BDH2: variants seen among roughly 807,000 people sequenced by gnomAD.
The protein encoded by BDH2 is dehydrogenase/reductase SDR family member 6.
Under a neutral mutation model 33.2 loss-of-function variants are expected in BDH2, and 24 were observed. The observed-to-expected ratio is 0.72, with a 90% CI of 0.52 to 1.02. The LOEUF (loss-of-function observed/expected upper bound fraction) is 1.02, where lower values mean the gene tolerates loss of function less well. Among genes scored for constraint, BDH2 ranks in the 50% least tolerant of loss-of-function variants. The pLI, the probability that BDH2 is intolerant of heterozygous loss-of-function variation, is 0.00. For missense variants in BDH2, 249 were observed against 301.6 expected, an observed-to-expected ratio of 0.83 and a Z score of 1.29; for synonymous variants, 81 against 101.6, an observed-to-expected ratio of 0.80 and a Z score of 1.22.
At chr4:103,086,314 G>A in intron 6 of BDH2, 166 bp downstream of exon 6, 1 of 1,328,592 alleles carries the variant, frequency 7.5e-7, no homozygotes, top group Admixed American at 3.4e-5. Context: ...CACATCGAGA[G>A]CAAAAGATCT....
intron 9 of BDH2, among the ~76,000 whole-genome samples, chr4:103,080,444 A>G: frequency 6.6e-6 from 1 of 152,376 alleles, no homozygotes; most frequent in East Asian, 1.9e-4. Flanking sequence ...AAGTTTAAAA[A>G]TCTTTTAACT....
chr4:103,099,568 A>G (rs563363066), intron 1 of BDH2, among the ~76,000 whole-genome samples: 1 of 152,326 alleles, frequency 6.6e-6, no homozygotes, highest in African/African-American at 2.4e-5. Flanking sequence ...AAAACTCTTC[A>G]CTTAGGATAC....
intron 6 of BDH2, chr4:103,085,681 T>C (rs1578501929): frequency 6.8e-7 from 1 of 1,478,000 alleles, no homozygotes; most frequent in South Asian, 1.2e-5. Context: ...TGAGACTTAA[T>C]TGAAATGCTG....
At chr4:103,087,463 G>A (rs1249177309) in intron 5 of BDH2, among the ~76,000 whole-genome samples, 2 of 152,298 alleles carry the variant, frequency 1.3e-5, no homozygotes, top group East Asian at 3.9e-4. Flanking sequence ...ATGGGTAGCT[G>A]AGGAGGAGAG....
chr4:103,092,313 T>G (rs1372122276), intron 4 of BDH2: 2 of 331,094 alleles, frequency 6.0e-6, no homozygotes, highest in Non-Finnish European at 1.1e-5. Flanking sequence ...TGATCAGAAA[T>G]TATTGCTTTA....
chr4:103,081,911 C>T (rs772309702), intron 9 of BDH2, among the ~76,000 whole-genome samples, 170 bp downstream of exon 9: 28 of 152,138 alleles, frequency 1.8e-4, no homozygotes, highest in East Asian at 5.8e-4. Flanking sequence ...TGGCTCAGAT[C>T]GAAGTGGTCT....
rs779956807 is a variant in BDH2, at chr4:103,085,422, G to A, written c.459C>T (p.Ala153=). Residue 153 remains alanine, a synonymous_variant, in exon 7 of 10, where the codon GCC becomes GCT. Transcript: ENST00000296424. The part of the protein sequence containing the change: ...NRCVYSTTKA[A]VIGLTKSVAA... Reference sequence around the variant, plus strand: ...CCACAGATTTTGTGAGGCCAATCACGGCTGCCTTGGTTGTGCTGTACACAC... The same window carrying A: ...CCACAGATTTTGTGAGGCCAATCACAGCTGCCTTGGTTGTGCTGTACACAC... 11 of 1,613,040 alleles carry A rather than the reference G, an allele frequency of 6.8e-6. No homozygotes were observed. The highest frequency in any genetic ancestry group is 1.8e-4 in the Middle Eastern group (1 of 5,678).
chr4:103,083,245 T>C (rs1232805936), intron 7 of BDH2, among the ~76,000 whole-genome samples: 1 of 152,246 alleles, frequency 6.6e-6, no homozygotes, highest in Non-Finnish European at 1.5e-5. Flanking sequence ...TTTAAATACA[T>C]TTATGCATAT....
chr4:103,086,533 G>T lies in BDH2; in HGVS notation c.365C>A (p.Ala122Asp). 6.2e-7 allele frequency: 1 copy of T among 1,605,340 alleles called. No homozygotes were observed. The highest frequency in any genetic ancestry group is 1.7e-5 in the Admixed American group (1 of 58,882). Residue 122 changes from alanine to aspartate, a missense_variant, in exon 6 of 10, where the codon GCT (alanine) becomes GAT (aspartate). Ala to Asp is a moderately radical substitution (Grantham distance 126). Coordinates refer to ENST00000296424, the MANE Select transcript of BDH2 (RefSeq NM_020139.4). ...GTTGATAATATTGCCAGATTTCTGAGCAAGCATCTGCCAAAACAAAACAAA... is the reference window on the plus strand; with the variant it reads ...GTTGATAATATTGCCAGATTTCTGATCAAGCATCTGCCAAAACAAAACAAA... ...MIKAFLPKML[A>D]QKSGNIINMS...
At chr4:103,099,284 C>T (rs2125815281) in intron 1 of BDH2, 1 of 152,296 alleles carries the variant, frequency 6.6e-6, no homozygotes, top group South Asian at 2.1e-4. Context: ...AAAACCTCCT[C>T]TTAGCTGGCC....
At position 103,086,753 on chromosome 4, in the gene BDH2, A is replaced by C. The variant is rs1367490780; in HGVS notation, c.358-213T>G. 2.0e-5 allele frequency among the ~76,000 whole-genome samples: 3 copies of C among 152,316 alleles called. No homozygotes were observed. In the South Asian group the frequency reaches 6.2e-4, roughly 32 times the overall value. ...AAATGATGGCAATGTGACTGCACTCACTGGCATTTCCCAGGGGGATTACCA... is the reference window on the plus strand; with the variant it reads ...AAATGATGGCAATGTGACTGCACTCCCTGGCATTTCCCAGGGGGATTACCA... On this transcript the variant is annotated intron_variant, in intron 5 of 9. Coordinates refer to ENST00000296424, the MANE Select transcript of BDH2 (RefSeq NM_020139.4).
At chr4:103,083,432 C>T (rs971886919) in intron 7 of BDH2, among the ~76,000 whole-genome samples, 6 of 152,060 alleles carry the variant, frequency 3.9e-5, no homozygotes, top group South Asian at 2.1e-4. Context: ...ATTCAGGTGG[C>T]GCTAAATTTT....
intron 5 of BDH2, 109 bp downstream of exon 5, chr4:103,091,068 C>A: frequency 1.6e-6 from 1 of 624,348 alleles, no homozygotes; most frequent in Non-Finnish European, 2.9e-6. Flanking sequence ...GCAAGTTAAT[C>A]ATTGTGTTAG....
Position 103,082,896 on chromosome 4 carries a change from A to T in BDH2, c.566T>A (p.Ile189Lys). 1 of 1,612,922 alleles carries T rather than the reference A, an allele frequency of 6.2e-7. No individual in the cohort carries two copies. Among genetic ancestry groups the T allele is most frequent in the East Asian group, 2.2e-5 (1 of 44,862 alleles). The stretch of plus-strand genomic sequence containing the variant: ...CTCTTCAGGATTTCCTCTGGCTTGT[A>T]TTCTTTCTTGTAGAGATGGCGTATC... ...TVDTPSLQER[I>K]QARGNPEEAR... is the part of the protein sequence containing the mutation. Residue 189 changes from isoleucine to lysine, a missense_variant, in exon 8 of 10, where the codon ATA (isoleucine) becomes AAA (lysine). By Grantham distance (102) the Ile-to-Lys change is moderately radical. Coordinates refer to ENST00000296424, the MANE Select transcript of BDH2 (RefSeq NM_020139.4).
chr4:103,077,918 T>C lies in BDH2; in HGVS notation c.*1784A>G, dbSNP rs528339075. Among the ~76,000 whole-genome samples the C allele has an allele frequency of 2.5e-4, 38 of 152,328 alleles. No homozygotes were observed. Among genetic ancestry groups the C allele is most frequent in the African/African-American group, 9.1e-4 (38 of 41,578 alleles). On this transcript the variant is annotated 3_prime_UTR_variant, in exon 10 of 10. Coordinates refer to ENST00000296424, the MANE Select transcript of BDH2 (RefSeq NM_020139.4). ...GTGTAGTGCCCGGTCCAAAACCTCA[T>C]AGATAATCTTATAATCAATGGACTC...
At position 103,086,480 on chromosome 4, in the gene BDH2, C is replaced by G; in HGVS notation, c.418G>C (p.Gly140Arg). Residue 140 changes from glycine (G) to arginine (R), a missense_variant and splice_region_variant, in exon 6 of 10, where the codon GGA becomes CGA. Gly to Arg is a moderately radical substitution (Grantham distance 125). Coordinates refer to ENST00000296424, the MANE Select transcript of BDH2 (RefSeq NM_020139.4). Reference sequence around the variant, plus strand: ...AGTCCTCGGAAGGAGACAGACCCACCTTTGACGCTGGAAGCCACAGAAGAC... The same window carrying G: ...AGTCCTCGGAAGGAGACAGACCCACGTTTGACGCTGGAAGCCACAGAAGAC... ...NMSSVASSVK[G>R]VVNRCVYSTT... The G allele has an allele frequency of 6.2e-7, 1 of 1,612,738 alleles. No homozygotes were observed. The highest frequency in any genetic ancestry group is 8.5e-7 in the Non-Finnish European group (1 of 1,179,602).
intron 1 of BDH2, among the ~76,000 whole-genome samples, 174 bp from the exon 2 acceptor site, chr4:103,096,448 T>A (rs761446807): frequency 2.0e-4 from 31 of 152,094 alleles, no homozygotes; most frequent in Middle Eastern, 3.2e-3. Flanking sequence ...TCTCCTAGAA[T>A]GCTTACTCTG....
intron 6 of BDH2, chr4:103,086,245 G>C (rs1234117848): frequency 4.7e-6 from 6 of 1,270,500 alleles, no homozygotes; most frequent in Non-Finnish European, 5.9e-6. Flanking sequence ...ATGTCCATTA[G>C]AAAGAATAAA....
intron 4 of BDH2, 105 bp from the exon 5 acceptor site, chr4:103,091,390 T>C: frequency 1.5e-6 from 1 of 682,838 alleles, no homozygotes; most frequent in Non-Finnish European, 2.6e-6. Flanking sequence ...CACTGTCTCT[T>C]TCCCTTATCA....
Sources: gnomAD v4.1 joint callset for allele counts (sites outside exome capture counted in the v4.1 genomes callset) on GRCh38, gnomAD v4.1.1 for gene constraint, MANE v1.5 for transcripts, NCBI Gene and HGNC (gene_info 2026-07-23, HGNC 2026-07-21) for gene names.